The following SEC24C variants were observed in gnomAD, a reference collection of about 807,000 sequenced individuals.
The protein encoded by SEC24C is protein transport protein Sec24C.
SEC24C carries 22 observed loss-of-function variants against 117.0 expected under a neutral mutation model. The observed-to-expected ratio is 0.19, with a 90% CI of 0.13 to 0.27. The LOEUF is 0.27. Ranked by LOEUF, SEC24C falls within the 10% of genes least tolerant of loss-of-function variation. SEC24C has a pLI of 1.00. For synonymous variants in SEC24C, 506 were observed against 529.4 expected (o/e 0.96, Z 0.61); for missense variants, 1,155 against 1,375.1 (o/e 0.84, Z 2.53).
At chr10:73,762,177 G>C (rs908252532) in intron 6 of SEC24C, 3 of 1,289,516 alleles carry the variant, frequency 2.3e-6, no homozygotes. Context: ...GTAAGTGCAG[G>C]GGGTGGGTGT....
At chr10:73,768,039 A>G in intron 15 of SEC24C, 32 bp downstream of exon 15, 1 of 1,597,748 alleles carries the variant, frequency 6.3e-7, no homozygotes. Flanking sequence ...AGCAGGTGGC[A>G]GCAGGGCTGG....
chr10:73,760,643 AT>A, intron 5 of SEC24C, 69 bp from the exon 6 acceptor site: 2 of 1,460,356 alleles, frequency 1.4e-6, no homozygotes, highest in South Asian at 2.7e-5. Flanking sequence ...GAGTCTAGTC[AT>A]TTTCCTGAGG....
In SEC24C at chr10:73,760,219, G is replaced by T; in HGVS notation, c.683G>T (p.Gly228Val). Reference sequence around the variant, plus strand: ...GGTCCTCGGCTGCCTTCGATGACTGGTCCACTCCTGCCTGGACAGAGTTTT... The same window carrying T: ...GGTCCTCGGCTGCCTTCGATGACTGTTCCACTCCTGCCTGGACAGAGTTTT... The part of the protein sequence containing the change: ...SGGPRLPSMT[G>V]PLLPGQSFGG... The change falls in exon 5 of 23, where the codon GGT becomes GTT. Residue 228 changes from glycine (G) to valine (V), a missense_variant. By Grantham distance (109) the Gly-to-Val change is moderately radical (BLOSUM62 -3). Coordinates refer to ENST00000345254, the MANE Select transcript of SEC24C (RefSeq NM_198597.3). 2 of 1,614,106 alleles carry T rather than the reference G, an allele frequency of 1.2e-6. No individual in the cohort carries two copies. The highest frequency in any genetic ancestry group is 1.7e-6 in the Non-Finnish European group (2 of 1,180,016).
rs754799858 is a variant in SEC24C at position 73,766,873 on chromosome 10, C to CCT, written c.1893+20_1893+21insCT. The CCT allele has an allele frequency of 2.5e-6, 4 of 1,599,100 alleles. No individual in the cohort carries two copies. In the East Asian group the frequency reaches 8.9e-5, roughly 36 times the overall value. ...CTGAAGGTAAGGCTGGAGTATCGGG[C>CCT]AACCTCCTCTAACTCCATTTTCCTC... On this transcript the variant is annotated intron_variant, in intron 13 of 22. Transcript: ENST00000345254.
chr10:73,748,809 C>G (rs1166263694), intron 2 of SEC24C, among the ~76,000 whole-genome samples: 1 of 152,108 alleles, frequency 6.6e-6, no homozygotes, highest in Non-Finnish European at 1.5e-5. Flanking sequence ...ATGGCACAAT[C>G]TCAGCTCACT....
chr10:73,769,242 G>A lies in SEC24C; in HGVS notation c.2424+90G>A, dbSNP rs1366406249. 5 of 1,587,748 alleles carry A rather than the reference G, an allele frequency of 3.1e-6. No individual in the cohort carries two copies. Among genetic ancestry groups the A allele is most frequent in the East Asian group, 4.5e-5 (2 of 44,012 alleles). ...GAATGGGTAGAGAGCACTAAAAGAA[G>A]AGACAGGGCACGGGAGTGGCTCATT... On this transcript the variant is annotated intron_variant, in intron 17 of 22. Transcript: ENST00000345254. This position sits in a 1 kb window ranked among gnomAD's most constrained non-coding sequence, Gnocchi z 4.5.
At chr10:73,757,782 T>C (rs1426817353) in intron 3 of SEC24C, among the ~76,000 whole-genome samples, 1 of 151,328 alleles carries the variant, frequency 6.6e-6, no homozygotes, top group Non-Finnish European at 1.5e-5. Context: ...TGTGGTGGTG[T>C]GTGCCTGTGG....
In SEC24C at chr10:73,770,458, TCAC is replaced by T; in HGVS notation, c.3044_3046del (p.Thr1015del). Reference sequence around the variant, plus strand: ...TTCAGCGTCTCCTCCTTCAGTCAGATCACCAGTGGTTTGGTGAGGGCAGGGAGT... The same window carrying T: ...TTCAGCGTCTCCTCCTTCAGTCAGATCAGTGGTTTGGTGAGGGCAGGGAGT... On this transcript the variant is annotated inframe_deletion, in exon 21 of 23. Coordinates refer to ENST00000345254, the MANE Select transcript of SEC24C (RefSeq NM_198597.3). 1 of 1,614,002 alleles carries T rather than the reference TCAC, an allele frequency of 6.2e-7. No homozygotes were observed. The highest frequency in any genetic ancestry group is 8.5e-7 in the Non-Finnish European group (1 of 1,180,020).
At chr10:73,757,356 G>T (rs1180867801) in intron 3 of SEC24C, among the ~76,000 whole-genome samples, 1 of 136,336 alleles carries the variant, frequency 7.3e-6, no homozygotes, top group African/African-American at 2.5e-5. Flanking sequence ...AGATCCTGTC[G>T]CTATAAAAAA....
In SEC24C at chr10:73,748,019, T is replaced by C. The variant is rs1258425362; in HGVS notation, c.172+1015T>C. Among the ~76,000 whole-genome samples, 3 of 152,268 alleles carry C rather than the reference T, an allele frequency of 2.0e-5. No homozygotes were observed. In the East Asian group the frequency reaches 5.8e-4, roughly 29 times the overall value. On this transcript the variant is annotated intron_variant, in intron 2 of 22. Transcript: ENST00000345254. ...AGTGGCCAGGAAGGTCTTGAAGAAC[T>C]GCTGACCTCAAATGATCCACCAGCC...
chr10:73,758,975 T>C (rs2082753661), intron 3 of SEC24C, among the ~76,000 whole-genome samples: 1 of 152,130 alleles, frequency 6.6e-6, no homozygotes, highest in Non-Finnish European at 1.5e-5. Flanking sequence ...GCGGGCAGAT[T>C]CGTTGAGCTC....
intron 7 of SEC24C, 105 bp downstream of exon 7, chr10:73,763,706 T>TTTTAAAAA: frequency 2.9e-6 from 2 of 681,256 alleles, no homozygotes; most frequent in African/African-American, 1.9e-5. Flanking sequence ...TTTTAGTTTT[T>TTTTAAAAA]AACCAGAGAC....
In SEC24C at chr10:73,771,846, T is replaced by A. The variant is rs2082988905; in HGVS notation, c.*751T>A. 6.4e-6 allele frequency: 1 copy of A among 155,814 alleles called. No homozygotes were observed. The highest frequency in any genetic ancestry group is 6.5e-5 in the Admixed American group (1 of 15,350). 9.7% of individuals were successfully genotyped at this position (155,814 alleles called of 1,614,324 possible). ...ACTTGCAATACCTCACAGAGCCAGTTCACATCCCACTCTGAGCTCCCACGA... is the reference window on the plus strand; with the variant it reads ...ACTTGCAATACCTCACAGAGCCAGTACACATCCCACTCTGAGCTCCCACGA... On this transcript the variant is annotated 3_prime_UTR_variant, in exon 23 of 23. Coordinates refer to ENST00000345254, the MANE Select transcript of SEC24C (RefSeq NM_198597.3).
rs754655892 is a variant in SEC24C, at chr10:73,763,958, C to T, written c.1202C>T (p.Pro401Leu). 10 of 1,600,686 alleles carry T rather than the reference C, an allele frequency of 6.2e-6. No individual in the cohort carries two copies. Among genetic ancestry groups the T allele is most frequent in the East Asian group, 2.2e-5 (1 of 44,576 alleles). The change falls in exon 8 of 23, where the codon CCG becomes CTG. Residue 401 changes from proline (P) to leucine (L), a missense_variant. Pro to Leu is a moderately conservative substitution (Grantham distance 98, BLOSUM62 -3). This residue lies in a region of SEC24C where 759 missense variants were observed against 992.3 expected (regional missense o/e 0.76). Coordinates refer to ENST00000345254, the MANE Select transcript of SEC24C (RefSeq NM_198597.3). ...AQVPLAAVIK[P>L]LARLPPEEAS... Reference sequence around the variant, plus strand: ...GTGCCCCTGGCAGCAGTCATCAAACCGCTGGCAAGGCTGCCCCCAGAGGAG... The same window carrying T: ...GTGCCCCTGGCAGCAGTCATCAAACTGCTGGCAAGGCTGCCCCCAGAGGAG...
In SEC24C at chr10:73,770,069, G is replaced by A. The variant is rs2082949993; in HGVS notation, c.2862+54G>A. On this transcript the variant is annotated intron_variant, in intron 20 of 22. Transcript: ENST00000345254. ...TTGCACGGAGCAAAGGGCCTCTTAGGAGGAGGAAAGGATAGGCTAGTATCA... is the reference window on the plus strand; with the variant it reads ...TTGCACGGAGCAAAGGGCCTCTTAGAAGGAGGAAAGGATAGGCTAGTATCA... 2.0e-6 allele frequency: 3 copies of A among 1,527,836 alleles called. No homozygotes were observed. The South Asian group carries it at 3.4e-5, about 17-fold the overall frequency. The allele number at this position is 1,527,836 out of a possible 1,614,324, so 94.6% of individuals were successfully genotyped here.
Position 73,767,767 on chromosome 10 carries a change from A to G in SEC24C, c.2011-70A>G, listed in dbSNP as rs2082907362. 4.1e-6 allele frequency: 5 copies of G among 1,226,018 alleles called. No homozygotes were observed. In the Admixed American group the frequency reaches 6.8e-5, roughly 17 times the overall value. The allele number at this position is 1,226,018 out of a possible 1,614,324, so 75.9% of individuals were successfully genotyped here. A position where few individuals can be genotyped will look rare whatever the true frequency, so the allele number is the denominator to read the frequency against. ...TGAATTTGAATATCCCATGCTAGATATACAGTTTTCAAATAGGGCGGAGCT... is the reference window on the plus strand; with the variant it reads ...TGAATTTGAATATCCCATGCTAGATGTACAGTTTTCAAATAGGGCGGAGCT... On this transcript the variant is annotated intron_variant, in intron 14 of 22. Transcript: ENST00000345254.
rs1416785573 is a variant in SEC24C, at chr10:73,760,265, G to A, written c.729G>A (p.Gln243=). Residue 243 remains glutamine (Q), a synonymous_variant, in exon 5 of 23, where the codon CAG becomes CAA. Coordinates refer to ENST00000345254, the MANE Select transcript of SEC24C (RefSeq NM_198597.3). ...GTTTTGGAGGGCCCTCAGTGAGCCA[G>A]CCCAACCATGTGTCTTCACCTCCTC... is the stretch of plus-strand genomic sequence containing the variant. ...GQSFGGPSVS[Q]PNHVSSPPQA... 5.6e-6 allele frequency: 9 copies of A among 1,613,864 alleles called. No homozygotes were observed. The East Asian group carries it at 1.6e-4, about 28-fold the overall frequency.
In SEC24C at chr10:73,759,705, C is replaced by T. The variant is rs367951725; in HGVS notation, c.392C>T (p.Pro131Leu). The change falls in exon 4 of 23, where the codon CCG becomes CTG. Residue 131 changes from proline (P) to leucine (L), a missense_variant. Around this residue, in one of 2 missense-constraint regions of SEC24C, gnomAD observed 396 missense variants for 382.8 expected, o/e 1.03. Transcript: ENST00000345254. ...PPVLQPYGPPPTSAQVATQLS... is the reference protein window; with the variant it reads ...PPVLQPYGPPLTSAQVATQLS... ...GTGCTTCAGCCCTATGGCCCTCCCCCGACAAGTGCACAGGTGGCTACGCAG... is the reference window on the plus strand; with the variant it reads ...GTGCTTCAGCCCTATGGCCCTCCCCTGACAAGTGCACAGGTGGCTACGCAG... 1.6e-5 allele frequency: 25 copies of T among 1,609,320 alleles called. No homozygotes were observed. The highest frequency in any genetic ancestry group is 1.6e-4 in the Middle Eastern group (1 of 6,070).
Position 73,770,321 on chromosome 10 carries a change from T to C in SEC24C, c.2904T>C (p.Val968=). Residue 968 remains valine (V), a synonymous_variant, in exon 21 of 23, where the codon GTT becomes GTC. Transcript: ENST00000345254. ...AGAGTACTACCGAACCACCAGCAGT[T>C]CGAGCCTCTGAAGAGCGTCTAAGCA... ...PVESTTEPPA[V]RASEERLSNG... is the part of the protein sequence containing the mutation. 3 of 1,613,720 alleles carry C rather than the reference T, an allele frequency of 1.9e-6. No individual in the cohort carries two copies. The highest frequency in any genetic ancestry group is 2.5e-6 in the Non-Finnish European group (3 of 1,179,808).
Sources: gnomAD v4.1 joint callset for allele counts (sites outside exome capture counted in the v4.1 genomes callset) on GRCh38, gnomAD v4.1.1 for gene constraint, gnomAD v4.1.1 regional missense constraint, Gnocchi (gnomAD v3.1) non-coding constraint, MANE v1.5 for transcripts, NCBI Gene and HGNC (gene_info 2026-07-23, HGNC 2026-07-21) for gene names.